ASH1L: variants seen among roughly 807,000 people sequenced by gnomAD.
ASH1L encodes the protein histone-lysine N-methyltransferase ASH1L.
In ASH1L, 23 loss-of-function variants were observed where a neutral mutation model predicts 269.0. The observed-to-expected ratio is 0.09, with a 90% CI of 0.06 to 0.12. The LOEUF is 0.12. Ranked by LOEUF, ASH1L falls within the 10% of genes least tolerant of loss-of-function variation. The pLI, the probability that ASH1L is intolerant of heterozygous loss-of-function variation, is 1.00. For missense variants in ASH1L, 2,912 were observed against 3,567.8 expected (o/e 0.82, Z 4.68); for synonymous variants, 1,187 against 1,253.5 (o/e 0.95, Z 1.12).
rs191281925 is a variant in ASH1L at position 155,522,673 on chromosome 1, G to C, written c.-99-1055C>G. On this transcript the variant is annotated intron_variant, in intron 1 of 27. Transcript: ENST00000392403. ...AAACCAGATTACCATATAATCATTA[G>C]GGAGATTAGTGAATTTTTTTTTTTT... Among the ~76,000 whole-genome samples the C allele has an allele frequency of 7.2e-5, 11 of 151,894 alleles. No individual in the cohort carries two copies. The East Asian group carries it at 1.5e-3, about 21-fold the overall frequency.
chr1:155,453,729 G>T (rs915921651), intron 4 of ASH1L, among the ~76,000 whole-genome samples: 1 of 152,098 alleles, frequency 6.6e-6, no homozygotes, highest in Non-Finnish European at 1.5e-5. Flanking sequence ...AACCCGGGAG[G>T]CAGAGGCTTC....
intron 3 of ASH1L, among the ~76,000 whole-genome samples, chr1:155,475,811 G>A (rs1302060469): frequency 6.6e-6 from 1 of 152,120 alleles, no homozygotes; most frequent in Non-Finnish European, 1.5e-5. Flanking sequence ...ACCTTCTCAG[G>A]AAAGACTTCT....
chr1:155,443,805 A>G (rs1277427268), intron 4 of ASH1L, among the ~76,000 whole-genome samples: 2 of 152,140 alleles, frequency 1.3e-5, no homozygotes, highest in Non-Finnish European at 2.9e-5. Flanking sequence ...TCTTTTTACA[A>G]CTGAATTATA....
intron 3 of ASH1L, among the ~76,000 whole-genome samples, chr1:155,472,865 G>A (rs1216724005): frequency 6.6e-6 from 1 of 152,136 alleles, no homozygotes; most frequent in Non-Finnish European, 1.5e-5. Context: ...GCCAAAAGCT[G>A]ACAGTTTTTT....
chr1:155,440,225 T>C (rs1343057591), intron 4 of ASH1L, among the ~76,000 whole-genome samples: 2 of 152,098 alleles, frequency 1.3e-5, no homozygotes, highest in East Asian at 3.9e-4. Context: ...GGTGGATTGT[T>C]TGAGCCATGG....
At chr1:155,426,691 C>T (rs1009638674) in intron 5 of ASH1L, among the ~76,000 whole-genome samples, 1 of 152,034 alleles carries the variant, frequency 6.6e-6, no homozygotes, top group African/African-American at 2.4e-5. Flanking sequence ...ATATTTTATC[C>T]GTTCATGACA....
intron 3 of ASH1L, among the ~76,000 whole-genome samples, chr1:155,461,380 C>T (rs972045106): frequency 1.3e-5 from 2 of 151,846 alleles, no homozygotes; most frequent in Non-Finnish European, 1.5e-5. Flanking sequence ...AAGAGTAACA[C>T]GTTAAATTTT....
chr1:155,519,308 C>T (rs535397183), intron 2 of ASH1L, among the ~76,000 whole-genome samples: 20 of 152,108 alleles, frequency 1.3e-4, no homozygotes, highest in African/African-American at 3.6e-4. Flanking sequence ...TGGTGGCACA[C>T]GCCTGTAATC....
chr1:155,450,726 T>A (rs1047827762), intron 4 of ASH1L, among the ~76,000 whole-genome samples: 1 of 152,152 alleles, frequency 6.6e-6, no homozygotes, highest in Admixed American at 6.5e-5. Context: ...GAAAGCAGGG[T>A]CTGGAAGAGG....
In ASH1L at chr1:155,357,221, A is replaced by G. The variant is rs1443289459; in HGVS notation, c.7055+95T>C. 6 of 962,600 alleles carry G rather than the reference A, an allele frequency of 6.2e-6. No homozygotes were observed. The African/African-American group carries it at 9.9e-5, about 16-fold the overall frequency. The allele number at this position is 962,600 out of a possible 1,614,324, so 59.6% of individuals were successfully genotyped here. A position where few individuals can be genotyped will look rare whatever the true frequency, so the allele number is the denominator to read the frequency against. On this transcript the variant is annotated intron_variant, in intron 15 of 27. Coordinates refer to ENST00000392403, the MANE Select transcript of ASH1L (RefSeq NM_018489.3). ...GAACCCTTTGGCTTAAGACAAAAGA[A>G]AGTGGATCAACAATATAGAAGTTTC...
intron 4 of ASH1L, among the ~76,000 whole-genome samples, chr1:155,452,853 G>A (rs1663589593): frequency 6.6e-6 from 1 of 152,124 alleles, no homozygotes; most frequent in Admixed American, 6.5e-5. Flanking sequence ...CACCACGTCT[G>A]ACCAAGATGT....
intron 5 of ASH1L, chr1:155,434,271 C>G: frequency 1.9e-6 from 3 of 1,596,990 alleles, no homozygotes; most frequent in South Asian, 2.3e-5. Context: ...GAGGTGCCTG[C>G]CCTTCTAGGA....
chr1:155,363,845 T>A (rs534680793), intron 12 of ASH1L, among the ~76,000 whole-genome samples: 10 of 150,730 alleles, frequency 6.6e-5, no homozygotes, highest in Non-Finnish European at 1.3e-4. Flanking sequence ...TAGGGACGCA[T>A]GCCTTTAGTT....
chr1:155,527,207 CAAAAAAAAAGAAA>C (rs1669322582), intron 1 of ASH1L, among the ~76,000 whole-genome samples: 1 of 147,750 alleles, frequency 6.8e-6, no homozygotes, highest in Non-Finnish European at 1.5e-5. Flanking sequence ...GACTCCGTCT[CAAAAAAAAAGAAA>C]AAAAAAAATT....
At chr1:155,490,553 G>C (rs1372051805) in intron 2 of ASH1L, among the ~76,000 whole-genome samples, 7 of 151,576 alleles carry the variant, frequency 4.6e-5, no homozygotes, top group Non-Finnish European at 1.0e-4. Flanking sequence ...AGGAGACGGA[G>C]ATTGCAGTGA....
chr1:155,379,586 A>T (rs1431498955), intron 8 of ASH1L, among the ~76,000 whole-genome samples: 1 of 152,218 alleles, frequency 6.6e-6, no homozygotes. Context: ...AAGATTTTTT[A>T]AAAGTGCAAG....
chr1:155,449,680 T>C (rs1002304933), intron 4 of ASH1L, among the ~76,000 whole-genome samples: 3 of 152,014 alleles, frequency 2.0e-5, no homozygotes, highest in Non-Finnish European at 4.4e-5. Context: ...CCACCATGCC[T>C]GGCTACTTTT....
At position 155,438,919 on chromosome 1, in the gene ASH1L, A is replaced by T; in HGVS notation, c.5236T>A (p.Ser1746Thr). Residue 1746 changes from serine to threonine, a missense_variant, in exon 5 of 28, where the codon TCT becomes ACT. Ser to Thr is a moderately conservative substitution (Grantham distance 58). Around this residue, in one of 13 missense-constraint regions of ASH1L, gnomAD observed 789 missense variants for 897.6 expected, o/e 0.88. Coordinates refer to ENST00000392403, the MANE Select transcript of ASH1L (RefSeq NM_018489.3). ...CTGTGGCTACGGCCTGGACTGGAAG[A>T]AGGTGGTGCAGAGGCAGTTGCAATC... ...AVIATASAPPSSSPGRSHSKD... is the reference protein window; with the variant it reads ...AVIATASAPPTSSPGRSHSKD... 6.2e-7 allele frequency: 1 copy of T among 1,614,158 alleles called. No homozygotes were observed. The highest frequency in any genetic ancestry group is 8.5e-7 in the Non-Finnish European group (1 of 1,180,034).
chr1:155,505,920 T>C (rs1667784068), intron 2 of ASH1L, among the ~76,000 whole-genome samples: 1 of 152,196 alleles, frequency 6.6e-6, no homozygotes, highest in Non-Finnish European at 1.5e-5. Context: ...ACCTGTGCCA[T>C]GTTGGTGTGC....
Sources: gnomAD v4.1 joint callset for allele counts (sites outside exome capture counted in the v4.1 genomes callset) on GRCh38, gnomAD v4.1.1 for gene constraint, gnomAD v4.1.1 regional missense constraint, MANE v1.5 for transcripts, NCBI Gene and HGNC (gene_info 2026-07-23, HGNC 2026-07-21) for gene names.